The following PLCB1 variants were observed in gnomAD, a reference collection of about 807,000 sequenced individuals.
The protein encoded by PLCB1 is 1-phosphatidylinositol 4,5-bisphosphate phosphodiesterase beta-1.
Under a neutral mutation model 161.8 loss-of-function variants are expected in PLCB1, and 46 were observed. The ratio of observed to expected loss-of-function variants is 0.28; its 90% confidence interval spans 0.22 to 0.36. The LOEUF (loss-of-function observed/expected upper bound fraction) is 0.36, where lower values mean the gene tolerates loss of function less well. PLCB1 is among the 10% of genes least tolerant of loss of function. The pLI is 1.00. For synonymous variants in PLCB1, 517 were observed against 503.7 expected, an observed-to-expected ratio of 1.03 and a Z score of -0.35; for missense variants, 1,016 against 1,472.5, an observed-to-expected ratio of 0.69 and a Z score of 5.07.
rs907276072 is a variant in PLCB1, at chr20:8,763,915, A to G, written c.2711-1224A>G. 4.5e-4 allele frequency among the ~76,000 whole-genome samples: 68 copies of G among 151,808 alleles called. 2 individuals are homozygous for G. Among genetic ancestry groups the G allele is most frequent in the Admixed American group, 4.6e-4 (7 of 15,250 alleles). On this transcript the variant is annotated intron_variant, in intron 25 of 31. Coordinates refer to ENST00000338037, the MANE Select transcript of PLCB1 (RefSeq NM_015192.4). ...ATGGTGACTCATGCCTGGAAATCCC[A>G]GCACTTTGGGAAGCCGAGGAGGGCA...
intron 3 of PLCB1, among the ~76,000 whole-genome samples, chr20:8,470,977 A>G (rs982734725): frequency 2.6e-5 from 4 of 152,298 alleles, no homozygotes; most frequent in Middle Eastern, 3.4e-3. Flanking sequence ...GAGAAAAAAA[A>G]GAATTAAATA....
intron 18 of PLCB1, among the ~76,000 whole-genome samples, chr20:8,732,686 A>T (rs1019255014): frequency 1.4e-5 from 2 of 144,326 alleles, no homozygotes; most frequent in African/African-American, 5.2e-5. Context: ...TATGCTTTAT[A>T]TATTAGAATG....
chr20:8,271,827 G>T (rs1269434581), intron 2 of PLCB1, among the ~76,000 whole-genome samples: 1 of 152,018 alleles, frequency 6.6e-6, no homozygotes, highest in Non-Finnish European at 1.5e-5. Context: ...GACAAACTAA[G>T]GTAACCCTGG....
intron 25 of PLCB1, among the ~76,000 whole-genome samples, chr20:8,763,391 T>C (rs891976012): frequency 1.3e-5 from 2 of 151,770 alleles, no homozygotes; most frequent in Non-Finnish European, 2.9e-5. Flanking sequence ...TATTTATTTA[T>C]TTATTTATTT....
At chr20:8,237,506 G>T (rs573300577) in intron 2 of PLCB1, among the ~76,000 whole-genome samples, 7 of 151,974 alleles carry the variant, frequency 4.6e-5, no homozygotes, top group Non-Finnish European at 1.0e-4. Context: ...CCTCACATTT[G>T]CAAGTGTTTT....
intron 2 of PLCB1, among the ~76,000 whole-genome samples, chr20:8,151,043 A>T (rs1404870925): frequency 1.3e-5 from 2 of 152,206 alleles, no homozygotes; most frequent in African/African-American, 4.8e-5. Flanking sequence ...GGGCAGTTAG[A>T]TGAGAACACT....
intron 29 of PLCB1, among the ~76,000 whole-genome samples, 175 bp downstream of exon 29, chr20:8,788,897 C>T (rs1423040162): frequency 6.6e-6 from 1 of 152,112 alleles, no homozygotes; most frequent in African/African-American, 2.4e-5. Flanking sequence ...CAAGCAAAGA[C>T]TGGTTCAATA....
intron 2 of PLCB1, among the ~76,000 whole-genome samples, chr20:8,351,277 C>A (rs1313537709): frequency 1.3e-5 from 2 of 151,940 alleles, no homozygotes; most frequent in Non-Finnish European, 2.9e-5. Context: ...AGTGCTGGAG[C>A]AATTGGGTGT....
chr20:8,641,759 T>C (rs889314147), intron 4 of PLCB1, among the ~76,000 whole-genome samples: 2 of 152,192 alleles, frequency 1.3e-5, no homozygotes, highest in African/African-American at 4.8e-5. Context: ...CTTGGTGAAG[T>C]TGGTGGCCAT....
intron 2 of PLCB1, among the ~76,000 whole-genome samples, chr20:8,340,671 G>T (rs551946640): frequency 1.3e-5 from 2 of 152,078 alleles, no homozygotes; most frequent in African/African-American, 4.8e-5. Context: ...TGATCCGCCC[G>T]CCTCGGCCTC....
chr20:8,188,266 T>A (rs1378063258), intron 2 of PLCB1, among the ~76,000 whole-genome samples: 1 of 152,082 alleles, frequency 6.6e-6, no homozygotes, highest in African/African-American at 2.4e-5. Flanking sequence ...TTGTGTACTG[T>A]CCACTAACAT....
intron 20 of PLCB1, among the ~76,000 whole-genome samples, chr20:8,737,661 A>G (rs958398138): frequency 1.3e-4 from 20 of 152,196 alleles, no homozygotes; most frequent in Admixed American, 3.3e-4. Flanking sequence ...GAAACCTTTC[A>G]CACTCAACTG....
chr20:8,449,375 T>C (rs1291699837), intron 3 of PLCB1, among the ~76,000 whole-genome samples: 1 of 152,230 alleles, frequency 6.6e-6, no homozygotes, highest in African/African-American at 2.4e-5. Context: ...TCTTTGGCAC[T>C]CTGGATTTCA....
At chr20:8,698,581 C>T (rs1353677791) in intron 11 of PLCB1, among the ~76,000 whole-genome samples, 1 of 152,064 alleles carries the variant, frequency 6.6e-6, no homozygotes, top group Non-Finnish European at 1.5e-5. Context: ...AGGAACATAC[C>T]TATGGTCAAG....
At chr20:8,169,858 C>G (rs1019022008) in intron 2 of PLCB1, among the ~76,000 whole-genome samples, 2 of 152,172 alleles carry the variant, frequency 1.3e-5, no homozygotes, top group Admixed American at 6.6e-5. Context: ...GTCATCAAAA[C>G]TAAGGTTCTG....
chr20:8,140,333 T>A (rs1429599715), intron 1 of PLCB1, among the ~76,000 whole-genome samples: 1 of 152,216 alleles, frequency 6.6e-6, no homozygotes, highest in African/African-American at 2.4e-5. Flanking sequence ...GAAATTTCTG[T>A]TTCTCGCACC....
At chr20:8,681,261 C>T (rs1990214584) in intron 9 of PLCB1, among the ~76,000 whole-genome samples, 1 of 151,588 alleles carries the variant, frequency 6.6e-6, no homozygotes, top group African/African-American at 2.4e-5. Flanking sequence ...TTGAGTATGA[C>T]AAATATATGA....
chr20:8,815,056 T>A (rs1985021696), intron 31 of PLCB1, among the ~76,000 whole-genome samples: 1 of 152,242 alleles, frequency 6.6e-6, no homozygotes, highest in Admixed American at 6.5e-5. Context: ...CGCTTTGATT[T>A]CGGATCATGT....
intron 2 of PLCB1, among the ~76,000 whole-genome samples, chr20:8,265,219 C>G (rs1404840327): frequency 6.6e-6 from 1 of 152,120 alleles, no homozygotes; most frequent in Admixed American, 6.6e-5. Flanking sequence ...AAAATGGGAA[C>G]AGCAGTGTCT....
Sources: gnomAD v4.1 joint callset for allele counts (sites outside exome capture counted in the v4.1 genomes callset) on GRCh38, gnomAD v4.1.1 for gene constraint, MANE v1.5 for transcripts, NCBI Gene and HGNC (gene_info 2026-07-23, HGNC 2026-07-21) for gene names.